CAMTA1: variants seen among roughly 807,000 people sequenced by gnomAD.
The protein encoded by CAMTA1 is calmodulin-binding transcription activator 1.
In CAMTA1, 27 loss-of-function variants were observed where a neutral mutation model predicts 170.9. That is an observed-to-expected ratio of 0.16 (90% confidence interval 0.12 to 0.22). The LOEUF (loss-of-function observed/expected upper bound fraction) is 0.22. CAMTA1 is among the 10% of genes least tolerant of loss of function. The pLI is 1.00. For synonymous variants in CAMTA1, 833 were observed against 891.5 expected (o/e 0.93, Z 1.17); for missense variants, 1,619 against 2,217.2 (o/e 0.73, Z 5.42).
chr1:7,001,957 C>T (rs1173515502), intron 3 of CAMTA1, among the ~76,000 whole-genome samples: 3 of 145,088 alleles, frequency 2.1e-5, no homozygotes, highest in South Asian at 2.2e-4. Context: ...AGTGCAATGG[C>T]GCTATCTCAG....
intron 4 of CAMTA1, among the ~76,000 whole-genome samples, chr1:7,129,648 G>A (rs1645133559): frequency 6.6e-6 from 1 of 152,316 alleles, no homozygotes; most frequent in East Asian, 1.9e-4. Flanking sequence ...TTATCAAGAT[G>A]TAATTGATGT....
Position 7,310,700 on chromosome 1 carries a change from CTCTTTCTT to C in CAMTA1, c.438+61112_438+61119del, listed in dbSNP as rs71571885. 3.1e-3 allele frequency among the ~76,000 whole-genome samples: 165 copies of C among 53,480 alleles called. 11 individuals carry two copies. Among genetic ancestry groups the C allele is most frequent in the Middle Eastern group, 0.017 (2 of 116 alleles). The allele number at this position is 53,480 out of a possible 152,430, so 35.1% of individuals were successfully genotyped here. On this transcript the variant is annotated intron_variant, in intron 5 of 22. Transcript: ENST00000303635. ...TCTTTCTCTCTCTCTCTCTCTCTCT[CTCTTTCTT>C]TCTTTCTTTCTTTCTTTCTTTCTTT... is the stretch of plus-strand genomic sequence containing the variant.
intron 5 of CAMTA1, among the ~76,000 whole-genome samples, chr1:7,401,323 TG>T (rs1282705718): frequency 6.6e-6 from 1 of 152,234 alleles, no homozygotes; most frequent in African/African-American, 2.4e-5. Flanking sequence ...TGGTCATATA[TG>T]TGTGATTCTG....
In CAMTA1 at chr1:7,626,947, C is replaced by T. The variant is rs17031207; in HGVS notation, c.511-13453C>T. 1.2e-3 allele frequency among the ~76,000 whole-genome samples: 185 copies of T among 152,264 alleles called. 1 individual carries two copies. Among genetic ancestry groups the T allele is most frequent in the African/African-American group, 4.2e-3 (175 of 41,540 alleles). On this transcript the variant is annotated intron_variant, in intron 6 of 22. Coordinates refer to ENST00000303635, the MANE Select transcript of CAMTA1 (RefSeq NM_015215.4). ...GCATCCAGGAAGAGGACAGTGCTTA[C>T]TAGAGAAGGGGCTGGAGGCACTGGA... is the stretch of plus-strand genomic sequence containing the variant.
intron 11 of CAMTA1, among the ~76,000 whole-genome samples, chr1:7,702,489 C>A (rs1299830602): frequency 6.6e-6 from 1 of 152,164 alleles, no homozygotes; most frequent in African/African-American, 2.4e-5. Flanking sequence ...CAGAGGCAGG[C>A]GCTGTCTCTC....
In CAMTA1 at chr1:6,825,183, A is replaced by G. The variant is rs1164702637; in HGVS notation, c.207A>G (p.Lys69=). ...ECLPKCSSLP[K]ERHRWNTNEE... ...TGCCGAAATGTTCAAGTTTACCAAA[A>G]GAGAGGCACCGCTGGAACACTAATG... Residue 69 remains lysine, a synonymous_variant, in exon 3 of 23, where the codon AAA becomes AAG. Transcript: ENST00000303635. 1 of 1,608,596 alleles carries G rather than the reference A, an allele frequency of 6.2e-7. No individual in the cohort carries two copies.
At chr1:6,805,104 A>G (rs1557587535) in intron 1 of CAMTA1, among the ~76,000 whole-genome samples, 1 of 152,246 alleles carries the variant, frequency 6.6e-6, no homozygotes, top group African/African-American at 2.4e-5. Flanking sequence ...CTGTTTTCCA[A>G]ACTTTTCCAA....
intron 3 of CAMTA1, among the ~76,000 whole-genome samples, chr1:6,927,917 C>A (rs931425930): frequency 2.6e-5 from 4 of 152,220 alleles, no homozygotes; most frequent in African/African-American, 9.6e-5. Flanking sequence ...GGCTCTCAGA[C>A]TCCTACGTAC....
At chr1:7,690,003 CA>C (rs1251054220) in intron 11 of CAMTA1, among the ~76,000 whole-genome samples, 1 of 151,898 alleles carries the variant, frequency 6.6e-6, no homozygotes. Context: ...ACTAGAAATA[CA>C]AAAAATTAGC....
intron 6 of CAMTA1, among the ~76,000 whole-genome samples, chr1:7,595,325 C>T (rs1291431097): frequency 6.6e-6 from 1 of 152,204 alleles, no homozygotes; most frequent in African/African-American, 2.4e-5. Flanking sequence ...TTGGCAGCTG[C>T]AGAGACTCCG....
intron 5 of CAMTA1, among the ~76,000 whole-genome samples, chr1:7,360,022 T>A (rs1166101461): frequency 6.6e-6 from 1 of 152,136 alleles, no homozygotes; most frequent in African/African-American, 2.4e-5. Context: ...TGGCATGTGC[T>A]TCAGTGTTCC....
At chr1:7,508,853 A>G (rs1403464173) in intron 6 of CAMTA1, among the ~76,000 whole-genome samples, 1 of 152,168 alleles carries the variant, frequency 6.6e-6, no homozygotes, top group Non-Finnish European at 1.5e-5. Flanking sequence ...AAATTAATGC[A>G]TTCTAGCTCC....
chr1:6,833,840 C>A (rs751147892), intron 3 of CAMTA1, among the ~76,000 whole-genome samples: 2 of 152,150 alleles, frequency 1.3e-5, no homozygotes, highest in Admixed American at 6.5e-5. Context: ...AATTAAGATG[C>A]AAAGTTAAAA....
chr1:7,703,521 C>A (rs972469609), intron 11 of CAMTA1, among the ~76,000 whole-genome samples: 4 of 152,028 alleles, frequency 2.6e-5, no homozygotes, highest in African/African-American at 9.7e-5. Flanking sequence ...CTCTAACCAG[C>A]GATTCCTCAT....
rs1469442086 is a variant in CAMTA1 at position 7,463,370 on chromosome 1, G to T, written c.439-4460G>T. Among the ~76,000 whole-genome samples, 1 of 152,018 alleles carries T rather than the reference G, an allele frequency of 6.6e-6. No individual in the cohort carries two copies. Among genetic ancestry groups the T allele is most frequent in the Non-Finnish European group, 1.5e-5 (1 of 68,016 alleles). ...ACAGAGAGACAGAGAAAGATGGAGA[G>T]AGATAGCAGGAGAGACAGAGACAGA... On this transcript the variant is annotated intron_variant, in intron 5 of 22. Coordinates refer to ENST00000303635, the MANE Select transcript of CAMTA1 (RefSeq NM_015215.4). This position sits in a 1 kb window ranked among gnomAD's most constrained non-coding sequence, Gnocchi z 4.7.
chr1:6,889,369 A>G (rs1240618810), intron 3 of CAMTA1, among the ~76,000 whole-genome samples: 1 of 152,246 alleles, frequency 6.6e-6, no homozygotes, highest in Admixed American at 6.5e-5. Flanking sequence ...TTCATGGCAA[A>G]TAAATCATAA....
At chr1:6,882,434 G>C (rs1010663284) in intron 3 of CAMTA1, among the ~76,000 whole-genome samples, 1 of 152,188 alleles carries the variant, frequency 6.6e-6, no homozygotes, top group Non-Finnish European at 1.5e-5. Context: ...GGAAGAAATG[G>C]TCATATATGG....
intron 5 of CAMTA1, among the ~76,000 whole-genome samples, chr1:7,359,893 A>G (rs2085409358): frequency 1.3e-5 from 2 of 152,152 alleles, no homozygotes; most frequent in Admixed American, 6.5e-5. Flanking sequence ...TGGCTTAAAC[A>G]TGGGAAGTGC....
chr1:7,640,904 C>T (rs34225694), intron 7 of CAMTA1, among the ~76,000 whole-genome samples: 18 of 152,132 alleles, frequency 1.2e-4, no homozygotes, highest in Non-Finnish European at 2.5e-4. Context: ...AAGTATGGAA[C>T]AGGGGAGGGG....
Sources: gnomAD v4.1 joint callset for allele counts (sites outside exome capture counted in the v4.1 genomes callset) on GRCh38, gnomAD v4.1.1 for gene constraint, Gnocchi (gnomAD v3.1) non-coding constraint, MANE v1.5 for transcripts, NCBI Gene and HGNC (gene_info 2026-07-23, HGNC 2026-07-21) for gene names.